The following SH3GL2 variants were observed in gnomAD, a reference collection of about 807,000 sequenced individuals.
SH3GL2 encodes endophilin-A1.
Under a neutral mutation model 46.0 loss-of-function variants are expected in SH3GL2, and 24 were observed. That is an observed-to-expected ratio of 0.52 (90% CI 0.38 to 0.73). The LOEUF (loss-of-function observed/expected upper bound fraction) is 0.73, where lower values mean the gene tolerates loss of function less well. SH3GL2 is among the 30% of genes least tolerant of loss of function. The pLI is 0.00. For missense variants in SH3GL2, 413 were observed against 424.2 expected (o/e 0.97, Z 0.23); for synonymous variants, 196 against 147.1 (o/e 1.33, Z -2.40).
At chr9:17,591,204 C>T (rs1818475095) in intron 1 of SH3GL2, 1 of 152,166 alleles carries the variant, frequency 6.6e-6, no homozygotes, top group Non-Finnish European at 1.5e-5. Flanking sequence ...CATAAAATCT[C>T]TATATCAATT....
chr9:17,656,578 T>G (rs1337463212), intron 1 of SH3GL2, among the ~76,000 whole-genome samples: 1 of 152,126 alleles, frequency 6.6e-6, no homozygotes. Flanking sequence ...TGTTTTATCT[T>G]AATTCTACTT....
At chr9:17,761,377 A>T (rs760368820) in intron 2 of SH3GL2, 60 bp from the exon 3 acceptor site, 22 of 1,084,564 alleles carry the variant, frequency 2.0e-5, no homozygotes, top group Non-Finnish European at 3.2e-5. Context: ...ACTCAACCAA[A>T]AACCGGTATT....
intron 1 of SH3GL2, among the ~76,000 whole-genome samples, chr9:17,626,396 G>T (rs759083256): frequency 1.2e-4 from 18 of 152,198 alleles, no homozygotes; most frequent in Middle Eastern, 3.2e-3. Flanking sequence ...TAGAAGCCTC[G>T]CTGGGCCAGA....
chr9:17,766,039 T>C (rs1823307858), intron 3 of SH3GL2, among the ~76,000 whole-genome samples: 1 of 152,232 alleles, frequency 6.6e-6, no homozygotes, highest in Non-Finnish European at 1.5e-5. Flanking sequence ...CATTTACTTT[T>C]ATGCAAAGAG....
At chr9:17,594,447 T>C (rs908922180) in intron 1 of SH3GL2, among the ~76,000 whole-genome samples, 9 of 150,538 alleles carry the variant, frequency 6.0e-5, no homozygotes, top group Non-Finnish European at 1.3e-4. Flanking sequence ...GCAATGAAAA[T>C]TGCATGTTGT....
At chr9:17,683,465 G>T (rs1222344289) in intron 1 of SH3GL2, among the ~76,000 whole-genome samples, 9 of 152,052 alleles carry the variant, frequency 5.9e-5, no homozygotes, top group Non-Finnish European at 1.3e-4. Context: ...ACCTATTTCA[G>T]CTAGGGGAAA....
chr9:17,722,082 C>G (rs1017603444), intron 1 of SH3GL2, among the ~76,000 whole-genome samples: 4 of 152,058 alleles, frequency 2.6e-5, no homozygotes, highest in African/African-American at 9.7e-5. Flanking sequence ...TTTGTAAACT[C>G]TACTTTGGAG....
intron 1 of SH3GL2, among the ~76,000 whole-genome samples, chr9:17,669,634 G>C (rs967888549): frequency 2.6e-5 from 4 of 152,128 alleles, no homozygotes; most frequent in Non-Finnish European, 5.9e-5. Flanking sequence ...GGTATGGATG[G>C]ACCAGTTTGT....
At chr9:17,776,001 G>T (rs538632058) in intron 3 of SH3GL2, among the ~76,000 whole-genome samples, 13 of 152,252 alleles carry the variant, frequency 8.5e-5, no homozygotes, top group African/African-American at 2.9e-4. Flanking sequence ...AAATCAGGTT[G>T]TAATTTTTAA....
chr9:17,704,339 C>A (rs1305739043), intron 1 of SH3GL2, among the ~76,000 whole-genome samples: 1 of 151,882 alleles, frequency 6.6e-6, no homozygotes, highest in Non-Finnish European at 1.5e-5. Context: ...TAGGAAGAAT[C>A]AATATTGTTA....
At chr9:17,687,174 T>A (rs1355509965) in intron 1 of SH3GL2, among the ~76,000 whole-genome samples, 1 of 152,140 alleles carries the variant, frequency 6.6e-6, no homozygotes, top group African/African-American at 2.4e-5. Context: ...TGCTTTGATT[T>A]TTCTTATAAT....
At chr9:17,712,659 T>C (rs2118283505) in intron 1 of SH3GL2, among the ~76,000 whole-genome samples, 1 of 152,030 alleles carries the variant, frequency 6.6e-6, no homozygotes, top group Non-Finnish European at 1.5e-5. Flanking sequence ...TCTGTAGCAG[T>C]GATCTATTTG....
intron 1 of SH3GL2, among the ~76,000 whole-genome samples, chr9:17,611,173 G>GT (rs917187659): frequency 2.0e-4 from 31 of 151,970 alleles, no homozygotes; most frequent in Non-Finnish European, 2.8e-4. Context: ...TCGATCATTG[G>GT]TTTTTTTTAT....
At chr9:17,777,748 A>G (rs1823682953) in intron 3 of SH3GL2, among the ~76,000 whole-genome samples, 1 of 151,992 alleles carries the variant, frequency 6.6e-6, no homozygotes, top group African/African-American at 2.4e-5. Context: ...ATCCTACTGG[A>G]TTAGGACTTT....
chr9:17,774,067 G>A (rs1218927401), intron 3 of SH3GL2, among the ~76,000 whole-genome samples: 2 of 152,010 alleles, frequency 1.3e-5, no homozygotes, highest in African/African-American at 4.8e-5. Flanking sequence ...TATTGTAAAT[G>A]GAATTAACCT....
At chr9:17,662,808 C>A (rs1470439257) in intron 1 of SH3GL2, among the ~76,000 whole-genome samples, 1 of 145,834 alleles carries the variant, frequency 6.9e-6, no homozygotes, top group Non-Finnish European at 1.5e-5. Flanking sequence ...CTGCCGGGTT[C>A]AAGCAATTCT....
At chr9:17,701,781 A>G (rs1212658309) in intron 1 of SH3GL2, among the ~76,000 whole-genome samples, 1 of 152,134 alleles carries the variant, frequency 6.6e-6, no homozygotes, top group Non-Finnish European at 1.5e-5. Context: ...AATATAACAC[A>G]TGTATGATTT....
chr9:17,768,445 A>G (rs1206358700), intron 3 of SH3GL2, among the ~76,000 whole-genome samples: 2 of 152,002 alleles, frequency 1.3e-5, no homozygotes, highest in Non-Finnish European at 2.9e-5. Context: ...GCATGTGTAC[A>G]TGTATATTGA....
At chr9:17,734,784 C>G (rs1183146644) in intron 1 of SH3GL2, among the ~76,000 whole-genome samples, 2 of 151,852 alleles carry the variant, frequency 1.3e-5, no homozygotes, top group African/African-American at 4.8e-5. Flanking sequence ...TGTGTGGTTA[C>G]CAAGGTTGGA....
Sources: gnomAD v4.1 joint callset for allele counts (sites outside exome capture counted in the v4.1 genomes callset) on GRCh38, gnomAD v4.1.1 for gene constraint, MANE v1.5 for transcripts, NCBI Gene and HGNC (gene_info 2026-07-23, HGNC 2026-07-21) for gene names.